SNTG2: variants seen among roughly 807,000 people sequenced by gnomAD.
The protein encoded by SNTG2 is gamma-2-syntrophin.
Under a neutral mutation model 70.9 loss-of-function variants are expected in SNTG2, and 74 were observed. The observed-to-expected ratio is 1.04, with a 90% CI of 0.86 to 1.27. The LOEUF (loss-of-function observed/expected upper bound fraction) is 1.27. SNTG2 is among the 50% of genes most tolerant of loss of function. SNTG2 has a pLI of 0.00. For missense variants in SNTG2, 717 were observed against 690.7 expected (o/e 1.04, Z -0.43); for synonymous variants, 278 against 273.8 (o/e 1.02, Z -0.15).
intron 4 of SNTG2, among the ~76,000 whole-genome samples, chr2:1,105,571 CA>C (rs1666064325): frequency 1.3e-5 from 2 of 152,136 alleles, no homozygotes; most frequent in Middle Eastern, 3.2e-3. Flanking sequence ...CTAAAATCAC[CA>C]TGGGCGATTG....
chr2:1,116,054 A>G (rs141914391), intron 4 of SNTG2, among the ~76,000 whole-genome samples: 4 of 152,318 alleles, frequency 2.6e-5, no homozygotes, highest in Non-Finnish European at 5.9e-5. Flanking sequence ...GTGAGGGAAT[A>G]TCATGATAAA....
At position 1,003,513 on chromosome 2, in the gene SNTG2, T is replaced by G. The variant is rs186792451; in HGVS notation, c.72+52445T>G. Among the ~76,000 whole-genome samples, 18 of 152,340 alleles carry G rather than the reference T, an allele frequency of 1.2e-4. No homozygotes were observed. In the East Asian group the frequency reaches 2.5e-3, roughly 21 times the overall value. Reference sequence around the variant, plus strand: ...AGCATTCATCATGTCTAGACTTCATTACATATGACATTATGATTTCTATTG... The same window carrying G: ...AGCATTCATCATGTCTAGACTTCATGACATATGACATTATGATTTCTATTG... On this transcript the variant is annotated intron_variant, in intron 1 of 16. Transcript: ENST00000308624.
At chr2:987,128 A>C (rs1661351191) in intron 1 of SNTG2, among the ~76,000 whole-genome samples, 1 of 152,198 alleles carries the variant, frequency 6.6e-6, no homozygotes, top group Non-Finnish European at 1.5e-5. Flanking sequence ...AACATCCCTG[A>C]AGTGGCAGGA....
intron 6 of SNTG2, among the ~76,000 whole-genome samples, chr2:1,139,854 C>A (rs1165664527): frequency 6.8e-6 from 1 of 146,844 alleles, no homozygotes; most frequent in Admixed American, 6.8e-5. Flanking sequence ...AAAAAAAATC[C>A]TAGTAAATTA....
intron 9 of SNTG2, among the ~76,000 whole-genome samples, chr2:1,224,610 G>A (rs1675640932): frequency 6.6e-6 from 1 of 152,218 alleles, no homozygotes; most frequent in South Asian, 2.1e-4. Context: ...AGGAGGTACA[G>A]ACAGAACCCT....
intron 6 of SNTG2, among the ~76,000 whole-genome samples, chr2:1,151,696 G>A (rs573684104): frequency 2.6e-5 from 4 of 152,208 alleles, no homozygotes; most frequent in African/African-American, 4.8e-5. Context: ...TTTGCTGCGC[G>A]CCCTTTGCCC....
chr2:1,226,343 A>G (rs1322516718), intron 9 of SNTG2, among the ~76,000 whole-genome samples: 1 of 152,230 alleles, frequency 6.6e-6, no homozygotes, highest in African/African-American at 2.4e-5. Context: ...CTCCATGTAC[A>G]TGGCGCCCAT....
chr2:997,256 C>T (rs1396753871), intron 1 of SNTG2, among the ~76,000 whole-genome samples: 2 of 152,134 alleles, frequency 1.3e-5, no homozygotes, highest in East Asian at 3.9e-4. Context: ...CCTCTCTAAG[C>T]ACGTGGCTTA....
At chr2:1,341,431 G>C (rs1463744930) in intron 16 of SNTG2, 1 of 152,188 alleles carries the variant, frequency 6.6e-6, no homozygotes, top group African/African-American at 2.4e-5. Flanking sequence ...AGGAGGAGTG[G>C]GGTTGCTCAG....
chr2:1,017,492 A>G (rs938578258), intron 1 of SNTG2, among the ~76,000 whole-genome samples: 1 of 152,252 alleles, frequency 6.6e-6, no homozygotes, highest in Non-Finnish European at 1.5e-5. Context: ...GCACACATGT[A>G]GAGACACATA....
intron 4 of SNTG2, among the ~76,000 whole-genome samples, chr2:1,114,127 T>G (rs5013075): frequency 6.6e-6 from 1 of 151,424 alleles, no homozygotes; most frequent in African/African-American, 2.4e-5. Context: ...AGGAGGATCG[T>G]GTGTACTAAG....
Position 966,903 on chromosome 2 carries a change from C to T in SNTG2, c.72+15835C>T, listed in dbSNP as rs1261624403. 2.6e-5 allele frequency among the ~76,000 whole-genome samples: 4 copies of T among 152,120 alleles called. No homozygotes were observed. The South Asian group carries it at 6.2e-4, about 24-fold the overall frequency. On this transcript the variant is annotated intron_variant, in intron 1 of 16. Transcript: ENST00000308624. ...TGGGGGTTGCAGTGAGCCGAGATCG[C>T]GCCACTGCCCTCCAGCCTGGGCGAC... is the stretch of plus-strand genomic sequence containing the variant.
At chr2:1,239,911 A>C in intron 11 of SNTG2, 135 bp downstream of exon 11, 1 of 1,117,390 alleles carries the variant, frequency 8.9e-7, no homozygotes, top group Non-Finnish European at 1.3e-6. Flanking sequence ...ATAGGAAAAC[A>C]TTAGCACATT....
chr2:1,006,744 G>T (rs1659584352), intron 1 of SNTG2, among the ~76,000 whole-genome samples: 2 of 152,134 alleles, frequency 1.3e-5, no homozygotes, highest in Non-Finnish European at 2.9e-5. Context: ...TATGAGGGAG[G>T]GCCAGGCGCG....
chr2:1,090,102 G>T (rs77915943), intron 2 of SNTG2, among the ~76,000 whole-genome samples: 2 of 152,136 alleles, frequency 1.3e-5, no homozygotes, highest in African/African-American at 4.8e-5. Context: ...ATGCCATTAG[G>T]TGCTCATTTT....
intron 16 of SNTG2, chr2:1,346,647 A>T (rs1660296943): frequency 6.6e-6 from 1 of 152,248 alleles, no homozygotes; most frequent in African/African-American, 2.4e-5. Flanking sequence ...CAACAGAGTG[A>T]CTGCGACCTG....
chr2:1,252,349 G>A (rs1407598474), intron 12 of SNTG2, among the ~76,000 whole-genome samples: 1 of 152,164 alleles, frequency 6.6e-6, no homozygotes, highest in Non-Finnish European at 1.5e-5. Context: ...AATTTCTAGT[G>A]GTCTCCAACT....
chr2:1,143,995 T>TTGCA (rs1668937408), intron 6 of SNTG2, among the ~76,000 whole-genome samples: 4 of 151,946 alleles, frequency 2.6e-5, no homozygotes, highest in African/African-American at 9.7e-5. Flanking sequence ...TCTGGAACGC[T>TTGCA]TGCACATCTC....
chr2:1,022,293 C>T (rs1660224524), intron 1 of SNTG2, among the ~76,000 whole-genome samples: 1 of 151,860 alleles, frequency 6.6e-6, no homozygotes, highest in Admixed American at 6.6e-5. Context: ...TTTTTGTGAG[C>T]CCCTGTGTTC....
Sources: allele counts gnomAD v4.1 joint callset (sites outside exome capture counted in the v4.1 genomes callset), GRCh38; gene constraint gnomAD v4.1.1; transcripts MANE v1.5; gene names NCBI Gene and HGNC (gene_info 2026-07-23, HGNC 2026-07-21).